The following GNPTAB variants were observed in gnomAD, a reference collection of about 807,000 sequenced individuals.
GNPTAB encodes N-acetylglucosamine-1-phosphate transferase subunits alpha and beta, also known as N-acetylglucosamine-1-phosphotransferase subunits alpha/beta.
GNPTAB carries 92 observed loss-of-function variants against 136.6 expected under a neutral mutation model. That is an observed-to-expected ratio of 0.67 (90% confidence interval 0.57 to 0.80). The LOEUF (loss-of-function observed/expected upper bound fraction) is 0.80. Among genes scored for constraint, GNPTAB ranks in the 30% least tolerant of loss-of-function variants. The pLI is 0.00. For synonymous variants in GNPTAB, 512 were observed against 535.1 expected, an observed-to-expected ratio of 0.96 and a Z score of 0.60; for missense variants, 1,343 against 1,501.8, an observed-to-expected ratio of 0.89 and a Z score of 1.75.
chr12:101,824,404 C>CTATATATATATATATA (rs1566102959), intron 1 of GNPTAB, among the ~76,000 whole-genome samples: 1 of 56,440 alleles, frequency 1.8e-5, no homozygotes, highest in African/African-American at 8.4e-5. Context: ...AGAAATTTCA[C>CTATATATATATATATA]CATATATATA....
At chr12:101,799,395 A>G (rs1203273247) in intron 1 of GNPTAB, among the ~76,000 whole-genome samples, 1 of 152,252 alleles carries the variant, frequency 6.6e-6, no homozygotes, top group African/African-American at 2.4e-5. Flanking sequence ...AAAATCATCG[A>G]TGAGAAAGGA....
chr12:101,817,265 C>CCTT (rs771156674), intron 1 of GNPTAB, among the ~76,000 whole-genome samples: 26 of 108,186 alleles, frequency 2.4e-4, no homozygotes, highest in African/African-American at 9.7e-4. Context: ...TATCATTCCA[C>CCTT]TTTTTTTTTT....
In GNPTAB at chr12:101,786,217, A is replaced by T; in HGVS notation, c.366T>A (p.Ser122Arg). 1 of 1,610,182 alleles carries T rather than the reference A, an allele frequency of 6.2e-7. No individual in the cohort carries two copies. The change falls in exon 5 of 21, where the codon AGT becomes AGA. Residue 122 changes from serine to arginine, a missense_variant and splice_region_variant. By Grantham distance (110) the Ser-to-Arg change is moderately radical. Coordinates refer to ENST00000299314, the MANE Select transcript of GNPTAB (RefSeq NM_024312.5). ...GKNTTEPTKK[S>R]EKQLECLLTH... ...TTAGCAAACACTCTAACTGCTTCTC[A>T]CTGGAAAGAAACACCAACATGCTTA... is the stretch of plus-strand genomic sequence containing the variant.
Position 101,771,022 on chromosome 12 carries a change from A to G in GNPTAB, c.907T>C (p.Leu303=), listed in dbSNP as rs1195744291. The change falls in exon 8 of 21, where the codon TTA becomes CTA. Residue 303 remains leucine, a synonymous_variant. Coordinates refer to ENST00000299314, the MANE Select transcript of GNPTAB (RefSeq NM_024312.5). ...KELTISPAYL[L]WDLSAISQSK... is the part of the protein sequence containing the mutation. ...TGGCTGATGGCGCTCAGATCCCATA[A>G]TAAATATGCAGGACTTATGGTCAGT... 6.2e-7 allele frequency: 1 copy of G among 1,614,138 alleles called. No homozygotes were observed. Among genetic ancestry groups the G allele is most frequent in the Admixed American group, 1.7e-5 (1 of 60,026 alleles).
At chr12:101,804,542 T>A (rs1869832688) in intron 1 of GNPTAB, among the ~76,000 whole-genome samples, 1 of 152,210 alleles carries the variant, frequency 6.6e-6, no homozygotes, top group Non-Finnish European at 1.5e-5. Context: ...CAAATAGTTA[T>A]TCTACCTATG....
intron 1 of GNPTAB, among the ~76,000 whole-genome samples, chr12:101,803,601 C>A (rs974235982): frequency 4.0e-5 from 6 of 151,798 alleles, no homozygotes; most frequent in Non-Finnish European, 8.8e-5. Context: ...TTTTCTAGAC[C>A]ATGGCTACCC....
chr12:101,795,195 G>A (rs1044268457), intron 2 of GNPTAB, among the ~76,000 whole-genome samples: 1 of 152,174 alleles, frequency 6.6e-6, no homozygotes, highest in African/African-American at 2.4e-5. Flanking sequence ...TGGTAGAAGT[G>A]CAAATTCTCA....
intron 10 of GNPTAB, among the ~76,000 whole-genome samples, chr12:101,769,353 T>C (rs941893556): frequency 2.0e-5 from 3 of 152,194 alleles, no homozygotes; most frequent in Non-Finnish European, 4.4e-5. Flanking sequence ...CTTTAAGCAC[T>C]AACTTGAGTT....
chr12:101,790,105 T>C, intron 2 of GNPTAB, 48 bp from the exon 3 acceptor site: 1 of 1,613,190 alleles, frequency 6.2e-7, no homozygotes, highest in Non-Finnish European at 8.5e-7. Context: ...TTTTCCAATA[T>C]ATTTGGTAAT....
intron 1 of GNPTAB, among the ~76,000 whole-genome samples, chr12:101,799,865 G>A (rs374854266): frequency 1.2e-4 from 18 of 152,130 alleles, no homozygotes; most frequent in East Asian, 3.9e-4. Flanking sequence ...ATTTGGGGTG[G>A]GGGTGGGAGG....
chr12:101,789,934 T>TTA lies in GNPTAB; in HGVS notation c.323+2_323+3dup, dbSNP rs1176177347. On this transcript the variant is annotated splice_donor_region_variant and intron_variant, in intron 3 of 20. Transcript: ENST00000299314. The stretch of plus-strand genomic sequence containing the variant: ...TCTGATGTGAAAAAAAAAATCAGTT[T>TTA]TACCTCATTGCTTTCTGCTCCTCCT... The TTA allele has an allele frequency of 1.2e-6, 2 of 1,614,148 alleles. No homozygotes were observed. Among genetic ancestry groups the TTA allele is most frequent in the Admixed American group, 3.3e-5 (2 of 60,028 alleles).
At position 101,762,928 on chromosome 12, in the gene GNPTAB, A is replaced by AAGAGGCC. The variant is rs1182400549; in HGVS notation, c.2716-1172_2716-1166dup. Among the ~76,000 whole-genome samples, 58 of 151,034 alleles carry AAGAGGCC rather than the reference A, an allele frequency of 3.8e-4. No homozygotes were observed. The East Asian group carries it at 8.1e-3, about 21-fold the overall frequency. On this transcript the variant is annotated intron_variant, in intron 13 of 20. Transcript: ENST00000299314. The stretch of plus-strand genomic sequence containing the variant: ...TAAAAAAAAAAAAAAAAAAAAAGGA[A>AAGAGGCC]AGAGGCCAGAGGCCAGGCACAGTGG...
At chr12:101,806,522 C>G (rs1869944068) in intron 1 of GNPTAB, among the ~76,000 whole-genome samples, 1 of 152,114 alleles carries the variant, frequency 6.6e-6, no homozygotes, top group African/African-American at 2.4e-5. Flanking sequence ...ACTAATGCCA[C>G]TGAGTTATAT....
At chr12:101,764,057 A>G (rs1953044281) in intron 13 of GNPTAB, 145 bp downstream of exon 13, 2 of 1,030,906 alleles carry the variant, frequency 1.9e-6, no homozygotes, top group East Asian at 4.8e-5. Context: ...GTTATTGGGT[A>G]AATTAAATGA....
Position 101,760,131 on chromosome 12 carries a change from G to T in GNPTAB, c.3148C>A (p.Leu1050Met), listed in dbSNP as rs1402805700. The T allele has an allele frequency of 5.0e-6, 8 of 1,594,928 alleles. No individual in the cohort carries two copies. The highest frequency in any genetic ancestry group is 6.9e-6 in the Non-Finnish European group (8 of 1,162,792). ...LPLSLQDLTGLEHMLINCSKM... is the reference protein window; with the variant it reads ...LPLSLQDLTGMEHMLINCSKM... ...GAGCAATTTATTAGCATGTGTTCCA[G>T]ACCTGTCAAATCCTAACAAAGAAAA... The change falls in exon 16 of 21, where the codon CTG (leucine) becomes ATG (methionine). Residue 1050 changes from leucine (L) to methionine (M), a missense_variant. Coordinates refer to ENST00000299314, the MANE Select transcript of GNPTAB (RefSeq NM_024312.5).
intron 1 of GNPTAB, among the ~76,000 whole-genome samples, chr12:101,826,447 G>C (rs1871086774): frequency 6.6e-6 from 1 of 151,344 alleles, no homozygotes; most frequent in Non-Finnish European, 1.5e-5. Context: ...ATACTGGAGG[G>C]GCTTTCAACT....
chr12:101,754,914 T>C (rs1400114063), intron 18 of GNPTAB, among the ~76,000 whole-genome samples: 2 of 152,084 alleles, frequency 1.3e-5, no homozygotes, highest in African/African-American at 4.8e-5. Context: ...CAAAAAATTA[T>C]ACGGTTAAAA....
chr12:101,806,150 G>A (rs2137169661), intron 1 of GNPTAB, among the ~76,000 whole-genome samples: 1 of 152,182 alleles, frequency 6.6e-6, no homozygotes, highest in Non-Finnish European at 1.5e-5. Context: ...GTAGTCAAGG[G>A]ATAAAGTGTT....
intron 1 of GNPTAB, among the ~76,000 whole-genome samples, chr12:101,811,509 A>G (rs554808134): frequency 2.0e-5 from 3 of 152,042 alleles, no homozygotes; most frequent in Non-Finnish European, 2.9e-5. Flanking sequence ...GTTCTGCAGG[A>G]TGTACAGGAA....
Sources: gnomAD v4.1 joint callset for allele counts (sites outside exome capture counted in the v4.1 genomes callset) on GRCh38, gnomAD v4.1.1 for gene constraint, MANE v1.5 for transcripts, NCBI Gene and HGNC (gene_info 2026-07-23, HGNC 2026-07-21) for gene names.